GABRB1: variants seen among roughly 807,000 people sequenced by gnomAD.
GABRB1 encodes gamma-aminobutyric acid receptor subunit beta-1.
A neutral mutation model predicts 51.6 loss-of-function variants in GABRB1; 17 were observed. That is an observed-to-expected ratio of 0.33 (90% CI 0.23 to 0.49). The LOEUF (loss-of-function observed/expected upper bound fraction) is 0.49, where lower values mean the gene tolerates loss of function less well. Among genes scored for constraint, GABRB1 ranks in the 20% least tolerant of loss-of-function variants. The probability of loss-of-function intolerance (pLI) is 0.99; values close to 1 mark genes in which losing one functional copy is unlikely to be tolerated. For synonymous variants in GABRB1, 247 were observed against 218.9 expected, an observed-to-expected ratio of 1.13 and a Z score of -1.14; for missense variants, 410 against 600.6, an observed-to-expected ratio of 0.68 and a Z score of 3.32.
chr4:47,059,377 G>T (rs1726752782), intron 3 of GABRB1, among the ~76,000 whole-genome samples: 1 of 152,044 alleles, frequency 6.6e-6, no homozygotes, highest in Non-Finnish European at 1.5e-5. Flanking sequence ...TTGTTACATT[G>T]CCTAGGCTAG....
At chr4:47,182,935 CA>C (rs1254495975) in intron 4 of GABRB1, among the ~76,000 whole-genome samples, 1 of 151,876 alleles carries the variant, frequency 6.6e-6, no homozygotes. Context: ...TGAAGATTCC[CA>C]TATGCCAATT....
intron 5 of GABRB1, among the ~76,000 whole-genome samples, chr4:47,401,734 G>A (rs960956513): frequency 6.6e-6 from 1 of 152,172 alleles, no homozygotes; most frequent in African/African-American, 2.4e-5. Flanking sequence ...TTTCAACTAA[G>A]AAAGGAGTTT....
intron 3 of GABRB1, among the ~76,000 whole-genome samples, chr4:47,159,229 C>G (rs1255581374): frequency 6.6e-6 from 1 of 151,920 alleles, no homozygotes; most frequent in Non-Finnish European, 1.5e-5. Context: ...CTGCTGTGAG[C>G]TAGGATGGCA....
At chr4:47,200,764 A>T (rs1328103698) in intron 4 of GABRB1, among the ~76,000 whole-genome samples, 1 of 152,178 alleles carries the variant, frequency 6.6e-6, no homozygotes, top group Non-Finnish European at 1.5e-5. Context: ...GAAAGCCACA[A>T]CTTTAGCTCA....
rs1720982244 is a variant in GABRB1 at position 47,227,423 on chromosome 4, C to T, written c.461+65954C>T. ...TTAAGTGTGGGCTTCAAGAAACAGA[C>T]TCTAAGATGGAGATTTGCATGCAGG... On this transcript the variant is annotated intron_variant, in intron 4 of 8. Coordinates refer to ENST00000295454, the MANE Select transcript of GABRB1 (RefSeq NM_000812.4). 2.0e-5 allele frequency among the ~76,000 whole-genome samples: 3 copies of T among 152,070 alleles called. No homozygotes were observed. The South Asian group carries it at 6.2e-4, about 31-fold the overall frequency.
At chr4:47,054,575 C>T (rs1726506001) in intron 3 of GABRB1, among the ~76,000 whole-genome samples, 1 of 138,668 alleles carries the variant, frequency 7.2e-6, no homozygotes, top group African/African-American at 2.8e-5. Flanking sequence ...ATTATTATTA[C>T]TTTATGGGCA....
chr4:47,277,861 A>G (rs1723145295), intron 4 of GABRB1, among the ~76,000 whole-genome samples: 1 of 152,082 alleles, frequency 6.6e-6, no homozygotes, highest in Non-Finnish European at 1.5e-5. Context: ...TAACTACATT[A>G]TATGTTTAAA....
intron 1 of GABRB1, among the ~76,000 whole-genome samples, chr4:47,017,963 G>A (rs552134166): frequency 7.9e-5 from 12 of 152,146 alleles, no homozygotes; most frequent in Non-Finnish European, 1.0e-4. Context: ...TATCTTTTCT[G>A]TTGTTATTCA....
intron 5 of GABRB1, among the ~76,000 whole-genome samples, chr4:47,394,810 GT>G (rs1374451064): frequency 6.6e-6 from 1 of 150,878 alleles, no homozygotes; most frequent in Non-Finnish European, 1.5e-5. Flanking sequence ...CAATTGGTTT[GT>G]TTTTATCTCA....
intron 4 of GABRB1, among the ~76,000 whole-genome samples, chr4:47,307,176 ATTTC>A (rs1436089179): frequency 2.6e-5 from 4 of 152,098 alleles, no homozygotes; most frequent in African/African-American, 4.8e-5. Flanking sequence ...TTAGTTTATA[ATTTC>A]TTTGTTATAG....
At chr4:47,048,005 T>A (rs1428065381) in intron 3 of GABRB1, among the ~76,000 whole-genome samples, 2 of 152,148 alleles carry the variant, frequency 1.3e-5, no homozygotes, top group African/African-American at 4.8e-5. Flanking sequence ...ATTATATCTG[T>A]CCTACTTGGC....
intron 5 of GABRB1, among the ~76,000 whole-genome samples, chr4:47,375,051 T>C (rs1451744788): frequency 6.6e-6 from 1 of 152,280 alleles, no homozygotes; most frequent in African/African-American, 2.4e-5. Flanking sequence ...TGTGCATTTA[T>C]AGACCTCCAC....
chr4:47,346,334 A>T (rs1017816960), intron 5 of GABRB1, among the ~76,000 whole-genome samples: 1 of 152,244 alleles, frequency 6.6e-6, no homozygotes, highest in Non-Finnish European at 1.5e-5. Context: ...GTATTGAAAA[A>T]GTCGATTTGT....
chr4:47,299,918 T>A (rs1185674494), intron 4 of GABRB1, among the ~76,000 whole-genome samples: 1 of 151,786 alleles, frequency 6.6e-6, no homozygotes, highest in Non-Finnish European at 1.5e-5. Context: ...CCATAAAAAA[T>A]GATGAGTTCA....
intron 4 of GABRB1, among the ~76,000 whole-genome samples, chr4:47,210,323 CAG>C (rs1180363058): frequency 2.0e-5 from 3 of 152,092 alleles, no homozygotes; most frequent in African/African-American, 7.2e-5. Context: ...GAAATGCACA[CAG>C]AGACTGCAAA....
chr4:47,142,590 T>C (rs866451431), intron 3 of GABRB1, among the ~76,000 whole-genome samples: 15 of 151,970 alleles, frequency 9.9e-5, no homozygotes, highest in African/African-American at 3.6e-4. Context: ...AAAATGAGTT[T>C]GGAGGGGTAA....
chr4:47,102,895 C>T (rs1270383110), intron 3 of GABRB1, among the ~76,000 whole-genome samples: 2 of 151,944 alleles, frequency 1.3e-5, no homozygotes, highest in Non-Finnish European at 2.9e-5. Context: ...GCCACAATCA[C>T]ATAAATGGTG....
chr4:47,133,475 C>G (rs1409272887), intron 3 of GABRB1, among the ~76,000 whole-genome samples: 1 of 152,146 alleles, frequency 6.6e-6, no homozygotes, highest in African/African-American at 2.4e-5. Flanking sequence ...TCATTAATTC[C>G]CCTATGTGTG....
Position 47,032,404 on chromosome 4 carries a change from A to G in GABRB1, c.173-13A>G, listed in dbSNP as rs200534766. 7.8e-5 allele frequency: 123 copies of G among 1,573,880 alleles called. No homozygotes were observed. Among genetic ancestry groups the G allele is most frequent in the Admixed American group, 7.3e-4 (42 of 57,822 alleles). ...AGAGAATCTGTTCCTAATGTGGCCC[A>G]CCTCCCCGGCAGGGCCCCCCGTCGA... On this transcript the variant is annotated splice_polypyrimidine_tract_variant and intron_variant, in intron 2 of 8. Coordinates refer to ENST00000295454, the MANE Select transcript of GABRB1 (RefSeq NM_000812.4).
Sources: allele counts gnomAD v4.1 joint callset (sites outside exome capture counted in the v4.1 genomes callset), GRCh38; gene constraint gnomAD v4.1.1; transcripts MANE v1.5; gene names NCBI Gene and HGNC (gene_info 2026-07-23, HGNC 2026-07-21).